PRSS23: variants seen among roughly 807,000 people sequenced by gnomAD.
PRSS23 encodes serine protease 23, also known as protease, serine 23.
PRSS23 carries 25 observed loss-of-function variants against 34.7 expected under a neutral mutation model. The ratio of observed to expected loss-of-function variants is 0.72; its 90% confidence interval spans 0.53 to 1.01. The LOEUF is 1.01. Among genes scored for constraint, PRSS23 ranks in the 50% least tolerant of loss-of-function variants. PRSS23 has a pLI of 0.00. For missense variants in PRSS23, 445 were observed against 475.6 expected, an observed-to-expected ratio of 0.94 and a Z score of 0.60; for synonymous variants, 176 against 186.6, an observed-to-expected ratio of 0.94 and a Z score of 0.46.
chr11:86,805,994 T>C (rs1043093504), intron 1 of PRSS23, among the ~76,000 whole-genome samples: 3 of 152,218 alleles, frequency 2.0e-5, no homozygotes, highest in African/African-American at 7.2e-5. Context: ...TCAGCTTCTA[T>C]TGAACCAGAA....
chr11:86,838,372 G>T (rs1305320696), intron 2 of PRSS23, among the ~76,000 whole-genome samples: 1 of 152,196 alleles, frequency 6.6e-6, no homozygotes, highest in Non-Finnish European at 1.5e-5. Flanking sequence ...TAGCACAGCA[G>T]TCTGAGATCA....
At chr11:86,913,125 A>T (rs973416902) in intron 2 of PRSS23, among the ~76,000 whole-genome samples, 2 of 151,952 alleles carry the variant, frequency 1.3e-5, no homozygotes, top group African/African-American at 4.8e-5. Flanking sequence ...CCATTGTTTT[A>T]TCCTTTCTTG....
intron 1 of PRSS23, chr11:86,821,580 C>A: frequency 6.2e-7 from 1 of 1,609,010 alleles, no homozygotes; most frequent in African/African-American, 1.3e-5. Context: ...ACAACAAGTC[C>A]GTTTAGCTCA....
intron 2 of PRSS23, among the ~76,000 whole-genome samples, chr11:86,923,081 C>T (rs868188776): frequency 3.3e-5 from 5 of 150,930 alleles, no homozygotes; most frequent in Non-Finnish European, 5.9e-5. Flanking sequence ...TCACATACAT[C>T]GGGTTCAATA....
chr11:86,925,818 T>C (rs1342983141), intron 2 of PRSS23, among the ~76,000 whole-genome samples: 1 of 152,210 alleles, frequency 6.6e-6, no homozygotes, highest in African/African-American at 2.4e-5. Flanking sequence ...ACACTGTCTT[T>C]CCAGCCTGTG....
At chr11:86,880,383 A>C (rs1157037878) in intron 2 of PRSS23, among the ~76,000 whole-genome samples, 3 of 151,410 alleles carry the variant, frequency 2.0e-5, no homozygotes, top group Non-Finnish European at 4.4e-5. Flanking sequence ...CCCTCCCTCC[A>C]CTATTGTCCT....
downstream of PRSS23, among the ~76,000 whole-genome samples, chr11:86,812,753 A>G (rs1211059831): frequency 2.7e-5 from 4 of 148,564 alleles, no homozygotes; most frequent in Non-Finnish European, 5.9e-5. Flanking sequence ...ATGCCACTGC[A>G]CTCCAGCCTA....
chr11:86,926,834 A>T (rs977503056), intron 2 of PRSS23, among the ~76,000 whole-genome samples: 3 of 152,060 alleles, frequency 2.0e-5, no homozygotes, highest in Non-Finnish European at 4.4e-5. Flanking sequence ...GTCTATGAAA[A>T]GTCTGTCTCA....
At chr11:86,914,282 A>G (rs1476130641) in intron 2 of PRSS23, among the ~76,000 whole-genome samples, 2 of 152,190 alleles carry the variant, frequency 1.3e-5, no homozygotes, top group African/African-American at 4.8e-5. Flanking sequence ...ACTGATTAAT[A>G]ACATTGAATG....
At chr11:86,861,470 G>A (rs1948614567) in intron 2 of PRSS23, among the ~76,000 whole-genome samples, 2 of 151,828 alleles carry the variant, frequency 1.3e-5, no homozygotes, top group Admixed American at 6.6e-5. Flanking sequence ...CGGTGGGGAA[G>A]TGTATGATAT....
intron 2 of PRSS23, among the ~76,000 whole-genome samples, chr11:86,845,154 C>A (rs1309230465): frequency 1.3e-5 from 2 of 151,122 alleles, no homozygotes; most frequent in Non-Finnish European, 2.9e-5. Context: ...TTTTGTGAAC[C>A]AAGGAAGGTT....
intron 2 of PRSS23, among the ~76,000 whole-genome samples, chr11:86,926,604 T>G (rs1286612665): frequency 6.6e-6 from 1 of 152,196 alleles, no homozygotes; most frequent in Non-Finnish European, 1.5e-5. Flanking sequence ...TGACTGGACC[T>G]ACTTCTCCAG....
intron 2 of PRSS23, among the ~76,000 whole-genome samples, chr11:86,838,935 C>T (rs1234547658): frequency 6.6e-6 from 1 of 152,020 alleles, no homozygotes; most frequent in Admixed American, 6.6e-5. Flanking sequence ...ATAGCATCAA[C>T]ATCAACATCA....
chr11:86,930,513 C>T (rs956911212), intron 2 of PRSS23, among the ~76,000 whole-genome samples: 4 of 152,052 alleles, frequency 2.6e-5, no homozygotes, highest in Non-Finnish European at 4.4e-5. Context: ...TGACCAGGGC[C>T]GGGCGCGGCG....
intron 2 of PRSS23, among the ~76,000 whole-genome samples, chr11:86,834,143 C>G (rs1948383616): frequency 6.6e-6 from 1 of 152,198 alleles, no homozygotes; most frequent in African/African-American, 2.4e-5. Flanking sequence ...ATTTCTTTGG[C>G]ACACTTCACA....
chr11:86,822,540 G>C (rs1384215389), intron 1 of PRSS23, among the ~76,000 whole-genome samples: 1 of 151,396 alleles, frequency 6.6e-6, no homozygotes, highest in Non-Finnish European at 1.5e-5. Context: ...AGGATAGCTT[G>C]AGCCTGGGAG....
chr11:86,895,010 A>C (rs1001920000), intron 2 of PRSS23, among the ~76,000 whole-genome samples: 1 of 152,198 alleles, frequency 6.6e-6, no homozygotes, highest in African/African-American at 2.4e-5. Flanking sequence ...TCCCCTTTCA[A>C]TAACACAGAG....
At chr11:86,936,704 G>A (rs1379320714) in intron 2 of PRSS23, 1 of 152,096 alleles carries the variant, frequency 6.6e-6, no homozygotes, top group Non-Finnish European at 1.5e-5. Flanking sequence ...AAGAGTTTGA[G>A]ACCAGCCTGG....
intron 1 of PRSS23, among the ~76,000 whole-genome samples, chr11:86,794,364 T>C (rs1178541388): frequency 6.6e-6 from 1 of 152,092 alleles, no homozygotes; most frequent in East Asian, 1.9e-4. Context: ...GAGAAACACA[T>C]AGTTATTCCA....
Sources: gnomAD v4.1 joint callset for allele counts (sites outside exome capture counted in the v4.1 genomes callset) on GRCh38, gnomAD v4.1.1 for gene constraint, MANE v1.5 for transcripts, NCBI Gene and HGNC (gene_info 2026-07-23, HGNC 2026-07-21) for gene names.